The following CDK12 variants were observed in gnomAD, a reference collection of about 807,000 sequenced individuals.
CDK12 encodes cyclin-dependent kinase 12.
Under a neutral mutation model 133.8 loss-of-function variants are expected in CDK12, and 17 were observed. The observed-to-expected ratio is 0.13, with a 90% confidence interval of 0.09 to 0.19. The LOEUF (loss-of-function observed/expected upper bound fraction) is 0.19. CDK12 is among the 10% of genes least tolerant of loss of function. The probability of loss-of-function intolerance (pLI) is 1.00; values close to 1 mark genes in which losing one functional copy is unlikely to be tolerated. For synonymous variants in CDK12, 694 were observed against 683.6 expected (o/e 1.02, Z -0.24); for missense variants, 1,508 against 1,818.7 (o/e 0.83, Z 3.11).
downstream of CDK12, among the ~76,000 whole-genome samples, chr17:39,535,532 C>A (rs902315883): frequency 6.6e-6 from 1 of 152,168 alleles, no homozygotes; most frequent in Non-Finnish European, 1.5e-5. Flanking sequence ...GTATAAACTT[C>A]AACCTACTAG....
intron 3 of CDK12, among the ~76,000 whole-genome samples, chr17:39,491,870 T>C (rs2051636875): frequency 6.6e-6 from 1 of 151,232 alleles, no homozygotes; most frequent in African/African-American, 2.4e-5. Flanking sequence ...GGCTCACGCT[T>C]GTAATCCCAG....
intron 1 of CDK12, among the ~76,000 whole-genome samples, chr17:39,467,918 G>T (rs2049470884): frequency 1.3e-5 from 2 of 151,120 alleles, no homozygotes; most frequent in Admixed American, 1.3e-4. Flanking sequence ...TTTTGAGATG[G>T]AGTGTCTCTC....
At chr17:39,470,029 A>G (rs1372030528) in intron 1 of CDK12, among the ~76,000 whole-genome samples, 1 of 152,144 alleles carries the variant, frequency 6.6e-6, no homozygotes, top group African/African-American at 2.4e-5. Flanking sequence ...TTCTTTTCCA[A>G]TGTGGGAAAA....
chr17:39,466,136 C>G (rs146309349), intron 1 of CDK12, among the ~76,000 whole-genome samples: 2 of 150,282 alleles, frequency 1.3e-5, no homozygotes, highest in African/African-American at 4.9e-5. Flanking sequence ...GGTGAAACCC[C>G]GTCCCTACTA....
At chr17:39,544,095 C>T (rs2055555217), upstream of CDK12, 1 of 418,652 alleles carries the variant, frequency 2.4e-6, no homozygotes, top group Admixed American at 2.5e-5. Context: ...CTGAATCCTT[C>T]TGGGGAATTC....
intron 2 of CDK12, among the ~76,000 whole-genome samples, chr17:39,483,953 A>C (rs2050926176): frequency 6.6e-6 from 1 of 151,392 alleles, no homozygotes. Flanking sequence ...AGTGATTCTC[A>C]TGCCTCAACT....
rs778820539 is a variant in CDK12, at chr17:39,461,497, C to T, written c.-575C>T. 3 of 233,890 alleles carry T rather than the reference C, an allele frequency of 1.3e-5. No individual in the cohort carries two copies. Among genetic ancestry groups the T allele is most frequent in the African/African-American group, 4.4e-5 (2 of 45,182 alleles). 14.5% of individuals were successfully genotyped at this position (233,890 alleles called of 1,614,324 possible). The stretch of plus-strand genomic sequence containing the variant: ...CTCCCCCCTTCCCCAAGTGCCGTTT[C>T]GGTTTAATCTAGTGTGTGACTGGGT... On this transcript the variant is annotated 5_prime_UTR_variant, in exon 1 of 14. Coordinates refer to ENST00000447079, the MANE Select transcript of CDK12 (RefSeq NM_016507.4).
intron 5 of CDK12, among the ~76,000 whole-genome samples, chr17:39,500,819 T>C (rs572831136): frequency 6.6e-6 from 1 of 151,836 alleles, no homozygotes; most frequent in African/African-American, 2.4e-5. Flanking sequence ...CTCCAGCTCC[T>C]GGGTTCAAGT....
intron 2 of CDK12, among the ~76,000 whole-genome samples, chr17:39,483,431 A>G (rs2050877331): frequency 6.6e-6 from 1 of 151,802 alleles, no homozygotes; most frequent in Non-Finnish European, 1.5e-5. Context: ...TGCCTGGCTA[A>G]TTTTTGTACT....
In CDK12 at chr17:39,533,937, A is replaced by T. The variant is rs527422547; in HGVS notation, c.*2621A>T. ...CACCTTGACTATTTGAAAATTACAGACCCAATTAATTCCATTCAAAAGTGG... is the reference window on the plus strand; with the variant it reads ...CACCTTGACTATTTGAAAATTACAGTCCCAATTAATTCCATTCAAAAGTGG... On this transcript the variant is annotated 3_prime_UTR_variant, in exon 14 of 14. Transcript: ENST00000447079. 237 of 232,248 alleles carry T rather than the reference A, an allele frequency of 1.0e-3. No homozygotes were observed. The highest frequency in any genetic ancestry group is 1.7e-3 in the Admixed American group (30 of 17,762). The allele number at this position is 232,248 out of a possible 1,614,324, so 14.4% of individuals were successfully genotyped here. A position where few individuals can be genotyped will look rare whatever the true frequency, so the allele number is the denominator to read the frequency against.
intron 13 of CDK12, among the ~76,000 whole-genome samples, chr17:39,528,556 A>G (rs1018165462): frequency 1.3e-5 from 2 of 152,148 alleles, no homozygotes; most frequent in Admixed American, 1.3e-4. Context: ...GCTGGTCTCT[A>G]ACTCCTGACC....
chr17:39,547,043 A>T (rs2055743108), upstream of CDK12, among the ~76,000 whole-genome samples: 1 of 151,700 alleles, frequency 6.6e-6, no homozygotes, highest in South Asian at 2.1e-4. Flanking sequence ...GTCTAATGAC[A>T]GGTAGCCTTT....
At chr17:39,562,539 T>C (rs1430836212) in intron 3 of CDK12, among the ~76,000 whole-genome samples, 1 of 152,150 alleles carries the variant, frequency 6.6e-6, no homozygotes. Context: ...TACCACTCCA[T>C]TCCCATTCCT....
chr17:39,541,431 G>A (rs1420175968), intron 1 of CDK12, among the ~76,000 whole-genome samples: 2 of 149,156 alleles, frequency 1.3e-5, no homozygotes, highest in South Asian at 2.1e-4. Context: ...GCAGTGGCGC[G>A]ATCTCGGCTC....
chr17:39,463,167 A>G, intron 1 of CDK12, 50 bp downstream of exon 1: 1 of 1,517,196 alleles, frequency 6.6e-7, no homozygotes, highest in South Asian at 1.2e-5. Flanking sequence ...GGTTGCGAGG[A>G]ATTGGCATTC....
chr17:39,537,715 A>G (rs2055203327), downstream of CDK12, among the ~76,000 whole-genome samples: 1 of 151,972 alleles, frequency 6.6e-6, no homozygotes, highest in East Asian at 1.9e-4. Flanking sequence ...GGTGCGTGCC[A>G]CCATGCCCAG....
In CDK12 at chr17:39,505,295, G is replaced by T. The variant is rs966307093; in HGVS notation, c.2609+3856G>T. Among the ~76,000 whole-genome samples, 76 of 150,738 alleles carry T rather than the reference G, an allele frequency of 5.0e-4. 1 individual carries two copies. The highest frequency in any genetic ancestry group is 2.7e-4 in the Admixed American group (4 of 15,050). Reference sequence around the variant, plus strand: ...TAATCCCAGCACTTTGGGAGGCCAAGGCGGGCAGATCACGAGGTCAAGAGA... The same window carrying T: ...TAATCCCAGCACTTTGGGAGGCCAATGCGGGCAGATCACGAGGTCAAGAGA... On this transcript the variant is annotated intron_variant, in intron 6 of 13. Coordinates refer to ENST00000447079, the MANE Select transcript of CDK12 (RefSeq NM_016507.4).
intron 5 of CDK12, among the ~76,000 whole-genome samples, chr17:39,497,542 C>CAA (rs111911703): frequency 8.7e-6 from 1 of 115,528 alleles, no homozygotes. Flanking sequence ...GACTCTGTCT[C>CAA]AAAAAAAAAA....
At chr17:39,512,075 A>AT (rs1200983353) in intron 8 of CDK12, among the ~76,000 whole-genome samples, 3 of 151,926 alleles carry the variant, frequency 2.0e-5, no homozygotes, top group South Asian at 2.1e-4. Flanking sequence ...TTTTAGCATG[A>AT]TTTTTTATCT....
Sources: gnomAD v4.1 joint callset for allele counts (sites outside exome capture counted in the v4.1 genomes callset) on GRCh38, gnomAD v4.1.1 for gene constraint, MANE v1.5 for transcripts, NCBI Gene and HGNC (gene_info 2026-07-23, HGNC 2026-07-21) for gene names.